The following ENOX1 variants were observed in gnomAD, a reference collection of about 807,000 sequenced individuals.
The protein encoded by ENOX1 is candidate growth-related and time keeping constitutive hydroquinone (NADH) oxidase.
Under a neutral mutation model 82.5 loss-of-function variants are expected in ENOX1, and 42 were observed. That is an observed-to-expected ratio of 0.51 (90% CI 0.40 to 0.66). The LOEUF (loss-of-function observed/expected upper bound fraction) is 0.66. Ranked by LOEUF, ENOX1 falls within the 30% of genes least tolerant of loss-of-function variation. The pLI is 0.00. For missense variants in ENOX1, 608 were observed against 811.6 expected, an observed-to-expected ratio of 0.75 and a Z score of 3.05; for synonymous variants, 271 against 282.2, an observed-to-expected ratio of 0.96 and a Z score of 0.40.
intron 2 of ENOX1, among the ~76,000 whole-genome samples, chr13:43,654,818 T>C (rs565841838): frequency 6.6e-6 from 1 of 152,280 alleles, no homozygotes; most frequent in African/African-American, 2.4e-5. Flanking sequence ...GGTTCCTAAG[T>C]CTTGAGAGAT....
intron 2 of ENOX1, among the ~76,000 whole-genome samples, chr13:43,552,627 C>T (rs1448718284): frequency 1.3e-5 from 2 of 152,144 alleles, no homozygotes. Flanking sequence ...CTGCTGCCTA[C>T]ATGGTAGGCA....
At chr13:43,343,300 C>T (rs1318637757) in intron 9 of ENOX1, among the ~76,000 whole-genome samples, 1 of 152,174 alleles carries the variant, frequency 6.6e-6, no homozygotes, top group Non-Finnish European at 1.5e-5. Flanking sequence ...TCCCTAATAA[C>T]CTTAGAGTTT....
intron 8 of ENOX1, among the ~76,000 whole-genome samples, chr13:43,346,266 G>A (rs537392728): frequency 1.3e-5 from 2 of 152,212 alleles, no homozygotes; most frequent in South Asian, 2.1e-4. Context: ...AAGGTCCTAC[G>A]GCTGAACTCT....
chr13:43,356,502 T>G (rs1304092420), intron 7 of ENOX1, among the ~76,000 whole-genome samples: 1 of 152,168 alleles, frequency 6.6e-6, no homozygotes, highest in Non-Finnish European at 1.5e-5. Context: ...AGAAACAAAT[T>G]TGGCATGGAG....
At chr13:43,564,643 G>A (rs2079839874) in intron 2 of ENOX1, among the ~76,000 whole-genome samples, 1 of 152,082 alleles carries the variant, frequency 6.6e-6, no homozygotes, top group African/African-American at 2.4e-5. Flanking sequence ...AATGCAGATT[G>A]CCAACATCTC....
chr13:43,359,741 C>T, intron 7 of ENOX1, 110 bp downstream of exon 7: 1 of 1,053,952 alleles, frequency 9.5e-7, no homozygotes, highest in Non-Finnish European at 1.4e-6. Context: ...CTTTTCCAGC[C>T]CCAAACTATG....
chr13:43,470,523 A>G (rs2058025127), intron 3 of ENOX1, among the ~76,000 whole-genome samples: 1 of 149,504 alleles, frequency 6.7e-6, no homozygotes, highest in Non-Finnish European at 1.5e-5. Context: ...CTGCTCATCA[A>G]AAGACATCAC....
chr13:43,528,373 G>A (rs1304236850), intron 2 of ENOX1, among the ~76,000 whole-genome samples: 1 of 151,940 alleles, frequency 6.6e-6, no homozygotes, highest in African/African-American at 2.4e-5. Flanking sequence ...TAGAATTGTT[G>A]GATCAAAAGG....
At chr13:43,678,286 TA>T (rs1284966972) in intron 1 of ENOX1, among the ~76,000 whole-genome samples, 1 of 152,166 alleles carries the variant, frequency 6.6e-6, no homozygotes, top group East Asian at 1.9e-4. Flanking sequence ...TCCTCAAATA[TA>T]AAAAATATGA....
intron 2 of ENOX1, among the ~76,000 whole-genome samples, chr13:43,607,604 CAACA>C (rs1173123162): frequency 6.6e-6 from 1 of 151,996 alleles, no homozygotes; most frequent in Non-Finnish European, 1.5e-5. Context: ...ATCATCTGAC[CAACA>C]ATTTTGTAGA....
intron 3 of ENOX1, among the ~76,000 whole-genome samples, chr13:43,419,724 C>G (rs889261754): frequency 3.3e-5 from 5 of 152,190 alleles, no homozygotes; most frequent in African/African-American, 9.7e-5. Context: ...GTAATGCCAG[C>G]ACTTTGGGAG....
chr13:43,785,877 G>C (rs1347017275), intron 1 of ENOX1, among the ~76,000 whole-genome samples: 1 of 152,116 alleles, frequency 6.6e-6, no homozygotes, highest in Non-Finnish European at 1.5e-5. Context: ...TGGTCTGGGA[G>C]GGGCCGCGTC....
chr13:43,302,198 C>A (rs12870452), intron 11 of ENOX1, among the ~76,000 whole-genome samples: 27,755 of 151,512 alleles, frequency 0.18, 3,011 homozygotes, highest in East Asian at 0.53. Flanking sequence ...GTAAGAGACA[C>A]CCCATGTGGA....
chr13:43,359,809 A>T, intron 7 of ENOX1, 42 bp downstream of exon 7: 1 of 1,572,656 alleles, frequency 6.4e-7, no homozygotes, highest in Non-Finnish European at 8.7e-7. Context: ...ATCACAAAAC[A>T]TAACAAAATG....
chr13:43,376,811 A>G (rs1292416946), intron 5 of ENOX1, among the ~76,000 whole-genome samples: 2 of 152,184 alleles, frequency 1.3e-5, no homozygotes, highest in African/African-American at 4.8e-5. Context: ...TAAGAAGCAG[A>G]GAGATATGAG....
chr13:43,698,748 C>G (rs1000931907), intron 1 of ENOX1, among the ~76,000 whole-genome samples: 4 of 152,156 alleles, frequency 2.6e-5, no homozygotes, highest in African/African-American at 7.2e-5. Context: ...TAGCACATGT[C>G]AAGTCTCTGC....
chr13:43,244,067 TCA>T (rs928570802), intron 14 of ENOX1, among the ~76,000 whole-genome samples: 17 of 151,542 alleles, frequency 1.1e-4, no homozygotes, highest in African/African-American at 4.1e-4. Flanking sequence ...TAGACAGTAA[TCA>T]CATCTAAGCA....
chr13:43,271,895 T>C (rs539473647), intron 12 of ENOX1, among the ~76,000 whole-genome samples: 2 of 152,306 alleles, frequency 1.3e-5, no homozygotes, highest in Admixed American at 6.5e-5. Context: ...CATTGTTTTG[T>C]GTGTTTTTTT....
At position 43,236,688 on chromosome 13, in the gene ENOX1, A is replaced by G; in HGVS notation, c.1662T>C (p.Asn554=). The change falls in exon 15 of 17, where the codon AAT becomes AAC. Residue 554 remains asparagine, a synonymous_variant. Coordinates refer to ENST00000690772, the MANE Select transcript of ENOX1 (RefSeq NM_001347969.2). ...VALVNQDREN[N]IEKRSQGLKS... Reference sequence around the variant, plus strand: ...TTAAGCCTTGGCTTCTTTTCTCAATATTGTTCTCTCGGTCTTGGTTGACTA... The same window carrying G: ...TTAAGCCTTGGCTTCTTTTCTCAATGTTGTTCTCTCGGTCTTGGTTGACTA... 1 of 1,589,396 alleles carries G rather than the reference A, an allele frequency of 6.3e-7. No individual in the cohort carries two copies. Among genetic ancestry groups the G allele is most frequent in the Middle Eastern group, 1.7e-4 (1 of 6,002 alleles).
Sources: allele counts gnomAD v4.1 joint callset (sites outside exome capture counted in the v4.1 genomes callset), GRCh38; gene constraint gnomAD v4.1.1; transcripts MANE v1.5; gene names NCBI Gene and HGNC (gene_info 2026-07-23, HGNC 2026-07-21).